Variants in PDE1C observed in about 807,000 individuals in gnomAD.
PDE1C encodes the protein phosphodiesterase 1C, also known as dual specificity calcium/calmodulin-dependent 3',5'-cyclic nucleotide phosphodiesterase 1C.
Under a neutral mutation model 93.1 loss-of-function variants are expected in PDE1C, and 62 were observed. That is an observed-to-expected ratio of 0.67 (90% CI 0.54 to 0.82). The LOEUF (loss-of-function observed/expected upper bound fraction) is 0.82, where lower values mean the gene tolerates loss of function less well. Ranked by LOEUF, PDE1C falls within the 40% of genes least tolerant of loss-of-function variation. PDE1C has a pLI of 0.00. For missense variants in PDE1C, 742 were observed against 884.6 expected (o/e 0.84, Z 2.04); for synonymous variants, 325 against 310.1 (o/e 1.05, Z -0.50).
intron 16 of PDE1C, among the ~76,000 whole-genome samples, chr7:31,792,160 G>C (rs1411943050): frequency 6.6e-6 from 1 of 152,024 alleles, no homozygotes; most frequent in Non-Finnish European, 1.5e-5. Context: ...CCCTCTAAAA[G>C]TAACTTCTGT....
the PDE1C span, among the ~76,000 whole-genome samples, chr7:31,657,083 TTTTATATATG>T: frequency 5.7e-4 from 5 of 8,782 alleles, no homozygotes; most frequent in African/African-American, 2.4e-3. Context: ...ATCATATATA[TTTTATATATG>T]ATATATATAA....
exon 1 of PDE1C, chr7:32,298,923 G>C: frequency 7.4e-7 from 1 of 1,347,074 alleles, no homozygotes; most frequent in Non-Finnish European, 9.5e-7. Context: ...AATGTCAACA[G>C]CTAAAGCGCT....
At chr7:32,157,173 T>C (rs1372402196) in intron 3 of PDE1C, among the ~76,000 whole-genome samples, 1 of 152,242 alleles carries the variant, frequency 6.6e-6, no homozygotes, top group Non-Finnish European at 1.5e-5. Flanking sequence ...CTGTTTCAGT[T>C]AAAAGAGACT....
the PDE1C span, chr7:31,643,234 A>G: frequency 6.2e-7 from 1 of 1,613,914 alleles, no homozygotes; most frequent in Non-Finnish European, 8.5e-7. Flanking sequence ...AGAAGAGGAA[A>G]GCAGTGGATT....
the PDE1C span, among the ~76,000 whole-genome samples, chr7:31,640,317 G>C: frequency 1.3e-5 from 2 of 152,138 alleles, no homozygotes; most frequent in African/African-American, 4.8e-5. Context: ...TCTCTTCCCA[G>C]CTTTTGGTGG....
chr7:31,954,834 A>C (rs1176147758), intron 2 of PDE1C, among the ~76,000 whole-genome samples: 1 of 152,224 alleles, frequency 6.6e-6, no homozygotes, highest in African/African-American at 2.4e-5. Flanking sequence ...TCACCAACCT[A>C]ATACTATTTG....
chr7:32,173,009 G>C (rs1802754523), intron 2 of PDE1C, among the ~76,000 whole-genome samples: 1 of 151,968 alleles, frequency 6.6e-6, no homozygotes, highest in Admixed American at 6.6e-5. Context: ...CCATTGCTGG[G>C]TATATACCCA....
the PDE1C span, among the ~76,000 whole-genome samples, chr7:31,739,067 C>T: frequency 6.6e-6 from 1 of 150,606 alleles, no homozygotes; most frequent in African/African-American, 2.4e-5. Flanking sequence ...CCCCCACCTG[C>T]CTGTTTCCAT....
At chr7:32,142,532 C>T (rs1800601241) in intron 3 of PDE1C, among the ~76,000 whole-genome samples, 1 of 152,184 alleles carries the variant, frequency 6.6e-6, no homozygotes, top group Non-Finnish European at 1.5e-5. Flanking sequence ...ACTGCACTTC[C>T]CAGCCATTTT....
chr7:31,709,048 C>T, the PDE1C span, among the ~76,000 whole-genome samples: 1 of 152,174 alleles, frequency 6.6e-6, no homozygotes, highest in African/African-American at 2.4e-5. Context: ...ATAGTATAAC[C>T]ACCAGCAGCA....
At chr7:32,033,668 T>C (rs1790637596) in intron 2 of PDE1C, among the ~76,000 whole-genome samples, 2 of 152,026 alleles carry the variant, frequency 1.3e-5, no homozygotes, top group Admixed American at 1.3e-4. Context: ...TCTCTCTCTG[T>C]TGGCTACCTC....
intron 3 of PDE1C, among the ~76,000 whole-genome samples, chr7:32,168,821 T>C (rs1227669550): frequency 1.3e-5 from 2 of 152,150 alleles, no homozygotes; most frequent in South Asian, 2.1e-4. Context: ...CACAATGAAA[T>C]GGCTCTCACT....
intron 17 of PDE1C, among the ~76,000 whole-genome samples, chr7:31,767,058 A>G (rs1427680338): frequency 6.6e-6 from 1 of 152,216 alleles, no homozygotes; most frequent in Non-Finnish European, 1.5e-5. Context: ...AATAATCTCT[A>G]TATTTTAAAA....
intron 1 of PDE1C, among the ~76,000 whole-genome samples, chr7:32,349,816 G>C (rs1288520410): frequency 6.6e-6 from 1 of 152,104 alleles, no homozygotes; most frequent in Admixed American, 6.6e-5. Flanking sequence ...TTTTAGTAGA[G>C]ACAGGGTTTC....
intron 9 of PDE1C, among the ~76,000 whole-genome samples, chr7:31,847,249 T>TA (rs1792754627): frequency 6.6e-6 from 1 of 152,120 alleles, no homozygotes; most frequent in Non-Finnish European, 1.5e-5. Flanking sequence ...TTCAAGAAAT[T>TA]AAAATTTTAA....
intron 1 of PDE1C, among the ~76,000 whole-genome samples, chr7:32,064,490 C>T (rs1213321793): frequency 6.6e-6 from 1 of 152,154 alleles, no homozygotes; most frequent in African/African-American, 2.4e-5. Context: ...TTCAGCAGCG[C>T]TACCCCAAAT....
intron 1 of PDE1C, among the ~76,000 whole-genome samples, chr7:32,242,397 T>C (rs1808608991): frequency 6.6e-6 from 1 of 152,188 alleles, no homozygotes; most frequent in Non-Finnish European, 1.5e-5. Context: ...CTAATGGGGT[T>C]ATTGGAAGGG....
At chr7:32,063,906 T>C (rs1318784793) in intron 1 of PDE1C, among the ~76,000 whole-genome samples, 2 of 152,208 alleles carry the variant, frequency 1.3e-5, no homozygotes, top group Non-Finnish European at 2.9e-5. Flanking sequence ...ATATTCTAAG[T>C]TTCCTGATGG....
chr7:31,783,366 A>G (rs541943284), intron 16 of PDE1C: 1 of 152,172 alleles, frequency 6.6e-6, no homozygotes, highest in Non-Finnish European at 1.5e-5. Flanking sequence ...ATGCAGGCAA[A>G]GGCACTTGGT....
Sources: allele counts gnomAD v4.1 joint callset (sites outside exome capture counted in the v4.1 genomes callset), GRCh38; gene constraint gnomAD v4.1.1; transcripts MANE v1.5; gene names NCBI Gene and HGNC (gene_info 2026-07-23, HGNC 2026-07-21).